FBXO45: variants seen among roughly 807,000 people sequenced by gnomAD.
The protein encoded by FBXO45 is F-box/SPRY domain-containing protein 1.
A neutral mutation model predicts 25.5 loss-of-function variants in FBXO45; 3 were observed. The observed-to-expected ratio is 0.12, with a 90% CI of 0.05 to 0.30. The LOEUF (loss-of-function observed/expected upper bound fraction) is 0.30, where lower values mean the gene tolerates loss of function less well. Among genes scored for constraint, FBXO45 ranks in the 10% least tolerant of loss-of-function variants. The pLI, the probability that FBXO45 is intolerant of heterozygous loss-of-function variation, is 1.00. For missense variants in FBXO45, 219 were observed against 365.0 expected (o/e 0.60, Z 3.26); for synonymous variants, 155 against 149.8 (o/e 1.03, Z -0.25).
chr3:196,577,189 T>C (rs563405872), intron 1 of FBXO45, among the ~76,000 whole-genome samples: 1 of 152,334 alleles, frequency 6.6e-6, no homozygotes, highest in South Asian at 2.1e-4. Flanking sequence ...TTTTTGTATC[T>C]TTTGATGTTT....
intron 1 of FBXO45, among the ~76,000 whole-genome samples, chr3:196,573,698 A>C (rs1464981941): frequency 6.6e-6 from 1 of 152,044 alleles, no homozygotes; most frequent in Non-Finnish European, 1.5e-5. Context: ...ATAGCATAGA[A>C]CAGGAAAGTG....
chr3:196,579,829 A>T (rs574528537), intron 2 of FBXO45, among the ~76,000 whole-genome samples: 1 of 152,160 alleles, frequency 6.6e-6, no homozygotes, highest in Non-Finnish European at 1.5e-5. Flanking sequence ...ACTGGTGCAT[A>T]TACATTTCTA....
rs534394722 is a variant in FBXO45, at chr3:196,586,922, C to T, written c.*2604C>T. On this transcript the variant is annotated 3_prime_UTR_variant, in exon 3 of 3. Transcript: ENST00000311630. Reference sequence around the variant, plus strand: ...AATAGAAAAAAAAAAATCCTTGCTCCCTCCCTTCACTACCTCACAAGGATA... The same window carrying T: ...AATAGAAAAAAAAAAATCCTTGCTCTCTCCCTTCACTACCTCACAAGGATA... The T allele has an allele frequency of 6.6e-6, 1 of 152,230 alleles. No individual in the cohort carries two copies. Among genetic ancestry groups the T allele is most frequent in the Admixed American group, 6.5e-5 (1 of 15,288 alleles). 9.4% of individuals were successfully genotyped at this position (152,230 alleles called of 1,614,324 possible). A position where few individuals can be genotyped will look rare whatever the true frequency, so the allele number is the denominator to read the frequency against.
rs1736109997 is a variant in FBXO45, at chr3:196,586,299, TTG to T, written c.*1983_*1984del. 1 of 152,196 alleles carries T rather than the reference TTG, an allele frequency of 6.6e-6. No individual in the cohort carries two copies. The allele number at this position is 152,196 out of a possible 1,614,324, so 9.4% of individuals were successfully genotyped here. ...ATTTTGTTGAGAGTTTGGTTTATAATTGTCTCTTTTGTCTTGTTAGTAAACAT... is the reference window on the plus strand; with the variant it reads ...ATTTTGTTGAGAGTTTGGTTTATAATTCTCTTTTGTCTTGTTAGTAAACAT... On this transcript the variant is annotated 3_prime_UTR_variant, in exon 3 of 3. Coordinates refer to ENST00000311630, the MANE Select transcript of FBXO45 (RefSeq NM_001105573.2).
rs1358087394 is a variant in FBXO45 at position 196,577,563 on chromosome 3, T to C, written c.429T>C (p.Gly143=). The change falls in exon 2 of 3, where the codon GGT becomes GGC. Residue 143 remains glycine, a synonymous_variant. Transcript: ENST00000311630. ...ACCCCATTGCTCAGAGCACTGATGG[T>C]GCAAGGACCAAGATTGGTTTCAGTG... is the stretch of plus-strand genomic sequence containing the variant. ...HRNPIAQSTD[G]ARTKIGFSEG... is the part of the protein sequence containing the mutation. 1.9e-6 allele frequency: 3 copies of C among 1,613,894 alleles called. No homozygotes were observed. Among genetic ancestry groups the C allele is most frequent in the African/African-American group, 2.7e-5 (2 of 74,930 alleles).
rs1736178000 is a variant in FBXO45 at position 196,588,497 on chromosome 3, G to C, written c.*4179G>C. The C allele has an allele frequency of 6.6e-6, 1 of 152,186 alleles. No homozygotes were observed. Among genetic ancestry groups the C allele is most frequent in the Admixed American group, 6.5e-5 (1 of 15,280 alleles). 9.4% of individuals were successfully genotyped at this position (152,186 alleles called of 1,614,324 possible). A position where few individuals can be genotyped will look rare whatever the true frequency, so the allele number is the denominator to read the frequency against. ...CTTTATTAGGAACAGCCCACACCCA[G>C]CCCAAATGCTGTCCTCAAAAACATT... On this transcript the variant is annotated 3_prime_UTR_variant, in exon 3 of 3. Transcript: ENST00000311630. The surrounding 1 kb of genome is among the most constrained non-coding windows in gnomAD (Gnocchi z 4.2).
chr3:196,570,122 G>A (rs1295342276), intron 1 of FBXO45, among the ~76,000 whole-genome samples: 1 of 151,394 alleles, frequency 6.6e-6, no homozygotes, highest in Non-Finnish European at 1.5e-5. Context: ...TAAACAAAGG[G>A]TCTTGGTCTT....
At chr3:196,578,342 G>A (rs773982611) in intron 2 of FBXO45, among the ~76,000 whole-genome samples, 5 of 152,078 alleles carry the variant, frequency 3.3e-5, no homozygotes, top group Admixed American at 2.0e-4. Context: ...GCCTCAAGGA[G>A]ATTTTTTGAC....
At chr3:196,576,122 C>T (rs147381575) in intron 1 of FBXO45, among the ~76,000 whole-genome samples, 4 of 152,296 alleles carry the variant, frequency 2.6e-5, no homozygotes, top group East Asian at 1.9e-4. Flanking sequence ...TTTAAATCTG[C>T]GCTCTGCAGC....
At chr3:196,578,457 A>G (rs1158236339) in intron 2 of FBXO45, among the ~76,000 whole-genome samples, 1 of 152,136 alleles carries the variant, frequency 6.6e-6, no homozygotes, top group Admixed American at 6.5e-5. Flanking sequence ...AACTTTTTGT[A>G]AGGGCCACGT....
At chr3:196,582,546 C>T (rs1204647792) in intron 2 of FBXO45, among the ~76,000 whole-genome samples, 4 of 151,488 alleles carry the variant, frequency 2.6e-5, no homozygotes, top group Non-Finnish European at 5.9e-5. Context: ...TGATTGCAAA[C>T]ATTAGGACTT....
intron 1 of FBXO45, among the ~76,000 whole-genome samples, chr3:196,571,956 G>C (rs1735832736): frequency 6.6e-6 from 1 of 152,166 alleles, no homozygotes; most frequent in African/African-American, 2.4e-5. Flanking sequence ...TGTATAGAAA[G>C]AACTGCTAAT....
rs1736180808 is a variant in FBXO45 at position 196,588,648 on chromosome 3, C to T, written c.*4330C>T. On this transcript the variant is annotated 3_prime_UTR_variant, in exon 3 of 3. Coordinates refer to ENST00000311630, the MANE Select transcript of FBXO45 (RefSeq NM_001105573.2). This position sits in a 1 kb window ranked among gnomAD's most constrained non-coding sequence, Gnocchi z 4.2. ...TTATTTATTGATTATTTATTGGTGT[C>T]ATATCGCCCCTAAACTGGGACAGGA... The T allele has an allele frequency of 6.6e-6, 1 of 152,140 alleles. No individual in the cohort carries two copies. The highest frequency in any genetic ancestry group is 1.5e-5 in the Non-Finnish European group (1 of 68,038). 9.4% of individuals were successfully genotyped at this position (152,140 alleles called of 1,614,324 possible).
Position 196,584,968 on chromosome 3 carries a change from T to C in FBXO45, c.*650T>C, listed in dbSNP as rs1468182244. On this transcript the variant is annotated 3_prime_UTR_variant, in exon 3 of 3. Transcript: ENST00000311630. The surrounding 1 kb of genome is among the most constrained non-coding windows in gnomAD (Gnocchi z 4.3). ...CCACTACATGGTTACAAAATTGGAATAACATTTGGGGACAACTGGGTTAAC... is the reference window on the plus strand; with the variant it reads ...CCACTACATGGTTACAAAATTGGAACAACATTTGGGGACAACTGGGTTAAC... The C allele has an allele frequency of 1.3e-5, 2 of 152,130 alleles. No individual in the cohort carries two copies. The highest frequency in any genetic ancestry group is 4.8e-5 in the African/African-American group (2 of 41,446). The allele number at this position is 152,130 out of a possible 1,614,324, so 9.4% of individuals were successfully genotyped here.
At position 196,568,737 on chromosome 3, in the gene FBXO45, C is replaced by T; in HGVS notation, c.-248C>T. The T allele has an allele frequency of 6.3e-6, 1 of 157,486 alleles. No homozygotes were observed. The highest frequency in any genetic ancestry group is 1.4e-5 in the Non-Finnish European group (1 of 72,856). 9.8% of individuals were successfully genotyped at this position (157,486 alleles called of 1,614,324 possible). On this transcript the variant is annotated 5_prime_UTR_variant, in exon 1 of 3. Coordinates refer to ENST00000311630, the MANE Select transcript of FBXO45 (RefSeq NM_001105573.2). The stretch of plus-strand genomic sequence containing the variant: ...AGAGGCCGGGCGAGTCGGGCGGTTT[C>T]GGCGCCCGCGCTGAGCCGCGGAGGA...
Position 196,569,705 on chromosome 3 carries a change from G to A in FBXO45, c.318+403G>A, listed in dbSNP as rs1297026127. The stretch of plus-strand genomic sequence containing the variant: ...ATGGGCTTAGTTTCTAAGTTTCTAA[G>A]TTTCTAGTTTGCTTTCACTCCACGT... On this transcript the variant is annotated intron_variant, in intron 1 of 2. Coordinates refer to ENST00000311630, the MANE Select transcript of FBXO45 (RefSeq NM_001105573.2). The surrounding 1 kb of genome is among the most constrained non-coding windows in gnomAD (Gnocchi z 4.1). Among the ~76,000 whole-genome samples the A allele has an allele frequency of 6.6e-6, 1 of 152,082 alleles. No homozygotes were observed. Among genetic ancestry groups the A allele is most frequent in the Non-Finnish European group, 1.5e-5 (1 of 68,014 alleles).
chr3:196,578,856 C>G (rs1169144324), intron 2 of FBXO45, among the ~76,000 whole-genome samples: 5 of 151,888 alleles, frequency 3.3e-5, no homozygotes, highest in Admixed American at 6.6e-5. Flanking sequence ...TTATGTGTGG[C>G]CCAAAACAAT....
At chr3:196,580,826 G>T (rs1368425264) in intron 2 of FBXO45, among the ~76,000 whole-genome samples, 1 of 101,578 alleles carries the variant, frequency 9.8e-6, no homozygotes, top group African/African-American at 2.8e-5. Context: ...GGCTGGAGTG[G>T]TGCAGTGGTG....
Position 196,578,833 on chromosome 3 carries a change from G to A in FBXO45, c.675+1024G>A, listed in dbSNP as rs929555709. On this transcript the variant is annotated intron_variant, in intron 2 of 2. Coordinates refer to ENST00000311630, the MANE Select transcript of FBXO45 (RefSeq NM_001105573.2). ...TTTTAAAGCTGATTAGCTATCTTTA[G>A]TGTTAGTGTATTTTATGTGTGGCCC... Among the ~76,000 whole-genome samples, 14 of 152,070 alleles carry A rather than the reference G, an allele frequency of 9.2e-5. 2 individuals carry two copies. Among genetic ancestry groups the A allele is most frequent in the Admixed American group, 7.9e-4 (12 of 15,272 alleles).
Sources: allele counts gnomAD v4.1 joint callset (sites outside exome capture counted in the v4.1 genomes callset), GRCh38; gene constraint gnomAD v4.1.1; non-coding constraint Gnocchi (gnomAD v3.1); transcripts MANE v1.5; gene names NCBI Gene and HGNC (gene_info 2026-07-23, HGNC 2026-07-21).